RDX: variants seen among roughly 807,000 people sequenced by gnomAD.
RDX encodes the protein deafness, autosomal recessive 24.
In RDX, 32 loss-of-function variants were observed where a neutral mutation model predicts 83.7. The observed-to-expected ratio is 0.38, with a 90% CI of 0.29 to 0.51. The LOEUF is 0.51. Among genes scored for constraint, RDX ranks in the 20% least tolerant of loss-of-function variants. RDX has a pLI of 0.87. For missense variants in RDX, 600 were observed against 689.9 expected (o/e 0.87, Z 1.46); for synonymous variants, 229 against 222.7 (o/e 1.03, Z -0.25).
At chr11:110,224,222 A>T (rs965661358) in intron 14 of RDX, among the ~76,000 whole-genome samples, 11 of 135,530 alleles carry the variant, frequency 8.1e-5, no homozygotes, top group African/African-American at 3.0e-4. Context: ...TATATATATT[A>T]AAAAAAAAAA....
intron 15 of RDX, among the ~76,000 whole-genome samples, chr11:110,192,020 G>A (rs745925349): frequency 2.6e-5 from 4 of 152,104 alleles, no homozygotes; most frequent in Non-Finnish European, 4.4e-5. Context: ...ATTTTTCACA[G>A]AATTAGAAAA....
intron 14 of RDX, among the ~76,000 whole-genome samples, chr11:110,213,253 A>G (rs1388099100): frequency 6.9e-6 from 1 of 145,574 alleles, no homozygotes; most frequent in African/African-American, 2.6e-5. Context: ...CTTCAAAGAA[A>G]ATAAAATACC....
At chr11:110,175,568 C>A (rs1001837962) in intron 15 of RDX, among the ~76,000 whole-genome samples, 18 of 152,330 alleles carry the variant, frequency 1.2e-4, no homozygotes, top group African/African-American at 4.3e-4. Context: ...GTCCAGAGGT[C>A]TGGGTGGGTG....
intron 9 of RDX, among the ~76,000 whole-genome samples, chr11:110,251,865 CA>C (rs1859353679): frequency 6.6e-6 from 1 of 152,074 alleles, no homozygotes; most frequent in African/African-American, 2.4e-5. Flanking sequence ...CCAAATATAC[CA>C]AAGTATTGTA....
chr11:110,210,208 C>A (rs868349632), intron 14 of RDX, among the ~76,000 whole-genome samples: 1 of 131,494 alleles, frequency 7.6e-6, no homozygotes, highest in East Asian at 2.4e-4. Flanking sequence ...CCTCAGGAGC[C>A]GATGCAATCA....
intron 14 of RDX, among the ~76,000 whole-genome samples, chr11:110,201,222 G>C (rs1322687962): frequency 6.7e-6 from 1 of 150,094 alleles, no homozygotes; most frequent in African/African-American, 2.5e-5. Context: ...AAAATGTATA[G>C]CTGTAGTTTT....
chr11:110,264,668 C>G (rs901641572), intron 4 of RDX, 111 bp downstream of exon 4: 1 of 686,052 alleles, frequency 1.5e-6, no homozygotes, highest in African/African-American at 1.8e-5. Context: ...TAATGATTAA[C>G]AGATAACTAC....
intron 15 of RDX, among the ~76,000 whole-genome samples, chr11:110,188,292 C>T (rs1863026464): frequency 9.6e-6 from 1 of 103,990 alleles, no homozygotes; most frequent in African/African-American, 3.9e-5. Flanking sequence ...GAGACTCTGT[C>T]TCAAAATAAT....
At chr11:110,215,972 A>C (rs1301113472) in intron 14 of RDX, among the ~76,000 whole-genome samples, 1 of 152,194 alleles carries the variant, frequency 6.6e-6, no homozygotes, top group Admixed American at 6.5e-5. Flanking sequence ...AGAAGAATAC[A>C]AACTACACTG....
chr11:110,180,584 T>C (rs1176329028), intron 15 of RDX, among the ~76,000 whole-genome samples: 1 of 151,972 alleles, frequency 6.6e-6, no homozygotes, highest in Non-Finnish European at 1.5e-5. Context: ...TTCTGCTCTG[T>C]AGGGCTCCAG....
rs532505138 is a variant in RDX at position 110,231,617 on chromosome 11, G to GA, written c.*251dup. Reference sequence around the variant, plus strand: ...CTTCAACAGAAAAAAAAAAGAAAAAGAAAAAAAATGTGAAAAGAGGCAATG... The same window carrying GA: ...CTTCAACAGAAAAAAAAAAGAAAAAGAAAAAAAAATGTGAAAAGAGGCAATG... On this transcript the variant is annotated 3_prime_UTR_variant, in exon 14 of 14. Transcript: ENST00000645495. 19 of 505,454 alleles carry GA rather than the reference G, an allele frequency of 3.8e-5. No homozygotes were observed. Among genetic ancestry groups the GA allele is most frequent in the East Asian group, 6.9e-5 (2 of 29,116 alleles). The allele number at this position is 505,454 out of a possible 1,614,324, so 31.3% of individuals were successfully genotyped here.
intron 2 of RDX, among the ~76,000 whole-genome samples, chr11:110,278,627 T>C (rs190290025): frequency 2.6e-5 from 4 of 152,278 alleles, no homozygotes; most frequent in African/African-American, 9.6e-5. Flanking sequence ...GGTTCTAGTA[T>C]TGTTTTATAG....
chr11:110,291,975 G>A (rs577007715), intron 1 of RDX, among the ~76,000 whole-genome samples: 10 of 151,990 alleles, frequency 6.6e-5, no homozygotes, highest in African/African-American at 1.9e-4. Context: ...GGGATACCCC[G>A]TATCTACAAA....
Position 110,264,113 on chromosome 11 carries a change from T to A in RDX, c.314A>T (p.Gln105Leu). Residue 105 changes from glutamine to leucine, a missense_variant, in exon 5 of 14, where the codon CAA (glutamine) becomes CTA (leucine). Physicochemically the swap from Gln to Leu is moderately radical, Grantham distance 113. Transcript: ENST00000645495. Reference protein sequence around the residue: ...QEITQRLFFLQVKEAILNDEI... With the variant: ...QEITQRLFFLLVKEAILNDEI... ...ATCATTTAAGATGGCTTCTTTAACT[T>A]GCAAGAAGAAGAGTCTCTGGGTTAT... is the stretch of plus-strand genomic sequence containing the variant. 1.9e-6 allele frequency: 3 copies of A among 1,613,992 alleles called. No homozygotes were observed. The highest frequency in any genetic ancestry group is 2.5e-6 in the Non-Finnish European group (3 of 1,179,892).
chr11:110,201,789 G>A (rs1863414649), intron 14 of RDX, among the ~76,000 whole-genome samples: 1 of 152,124 alleles, frequency 6.6e-6, no homozygotes, highest in Admixed American at 6.5e-5. Flanking sequence ...AGGCTGGAGT[G>A]CAATGGCGCC....
chr11:110,258,243 T>C (rs1429981397), intron 5 of RDX, 54 bp from the exon 6 acceptor site: 6 of 1,196,324 alleles, frequency 5.0e-6, no homozygotes, highest in African/African-American at 4.6e-5. Context: ...TTCAAAAGCA[T>C]ACACTTTAAA....
At chr11:110,185,920 G>A (rs2134221584) in intron 15 of RDX, among the ~76,000 whole-genome samples, 1 of 152,336 alleles carries the variant, frequency 6.6e-6, no homozygotes, top group East Asian at 1.9e-4. Flanking sequence ...CATCCCACCT[G>A]CCTGGAAGCA....
intron 3 of RDX, among the ~76,000 whole-genome samples, chr11:110,268,771 G>GT (rs111649113): frequency 0.042 from 6,264 of 148,634 alleles, 259 homozygotes; most frequent in African/African-American, 0.097. Flanking sequence ...CTCCTAGAAT[G>GT]TTTTTTTTTT....
chr11:110,182,165 G>A (rs898845), intron 15 of RDX, among the ~76,000 whole-genome samples: 88,685 of 152,056 alleles, frequency 0.58, 26,475 homozygotes, highest in East Asian at 0.73. Flanking sequence ...GGACTACTGA[G>A]CTCCACAGAT....
Sources: allele counts gnomAD v4.1 joint callset (sites outside exome capture counted in the v4.1 genomes callset), GRCh38; gene constraint gnomAD v4.1.1; transcripts MANE v1.5; gene names NCBI Gene and HGNC (gene_info 2026-07-23, HGNC 2026-07-21).